Variants in BRWD1 observed in about 807,000 individuals in gnomAD.
The protein encoded by BRWD1 is bromodomain and WD repeat-containing protein 1.
A neutral mutation model predicts 251.2 loss-of-function variants in BRWD1; 82 were observed. The observed-to-expected ratio is 0.33, with a 90% CI of 0.27 to 0.39. The LOEUF is 0.39. Among genes scored for constraint, BRWD1 ranks in the 10% least tolerant of loss-of-function variants. BRWD1 has a pLI of 1.00. For synonymous variants in BRWD1, 918 were observed against 902.8 expected (o/e 1.02, Z -0.30); for missense variants, 2,233 against 2,711.6 (o/e 0.82, Z 3.92).
Position 39,280,234 on chromosome 21 carries a change from G to A in BRWD1, c.846C>T (p.Ala282=). The A allele has an allele frequency of 6.2e-7, 1 of 1,605,054 alleles. No individual in the cohort carries two copies. Among genetic ancestry groups the A allele is most frequent in the Non-Finnish European group, 8.5e-7 (1 of 1,177,206 alleles). ...SITSLQFSPM[A]KGSQRYMVST... Reference sequence around the variant, plus strand: ...AAACCATGTATCTTTGAGAGCCTTTGGCCATCGGGCTAAACTAAAAAGTAA... The same window carrying A: ...AAACCATGTATCTTTGAGAGCCTTTAGCCATCGGGCTAAACTAAAAAGTAA... Residue 282 remains alanine (A), a synonymous_variant, in exon 9 of 41, where the codon GCC becomes GCT. Transcript: ENST00000342449.
At chr21:39,289,756 G>A (rs778208810) in intron 8 of BRWD1, among the ~76,000 whole-genome samples, 1 of 151,794 alleles carries the variant, frequency 6.6e-6, no homozygotes, top group Non-Finnish European at 1.5e-5. Context: ...CGGGCACGGT[G>A]GCTCACGCCT....
At chr21:39,290,039 A>AG (rs1032484320) in intron 8 of BRWD1, among the ~76,000 whole-genome samples, 4 of 151,580 alleles carry the variant, frequency 2.6e-5, no homozygotes, top group South Asian at 2.1e-4. Context: ...AAAAAAAAAA[A>AG]GAAGCTAGCA....
At chr21:39,297,000 A>C (rs2035979043) in intron 5 of BRWD1, 4 of 985,394 alleles carry the variant, frequency 4.1e-6, no homozygotes, top group Non-Finnish European at 4.8e-6. Flanking sequence ...TAAATTATAT[A>C]GCTTTCCCTT....
In BRWD1 at chr21:39,195,058, G is replaced by A. The variant is rs1332752926; in HGVS notation, c.*1201C>T. 4 of 1,285,474 alleles carry A rather than the reference G, an allele frequency of 3.1e-6. No individual in the cohort carries two copies. The highest frequency in any genetic ancestry group is 3.9e-6 in the Non-Finnish European group (4 of 1,015,706). 79.6% of individuals were successfully genotyped at this position (1,285,474 alleles called of 1,614,324 possible). A position where few individuals can be genotyped will look rare whatever the true frequency, so the allele number is the denominator to read the frequency against. On this transcript the variant is annotated 3_prime_UTR_variant, in exon 41 of 41. Transcript: ENST00000342449. Reference sequence around the variant, plus strand: ...GTTAGAAAATAAGTGTACTATTTGTGTGATAAACTTTCACTTTAAATGGAT... The same window carrying A: ...GTTAGAAAATAAGTGTACTATTTGTATGATAAACTTTCACTTTAAATGGAT...
At chr21:39,222,171 C>A (rs2033204606) in intron 29 of BRWD1, among the ~76,000 whole-genome samples, 1 of 152,210 alleles carries the variant, frequency 6.6e-6, no homozygotes, top group South Asian at 2.1e-4. Context: ...AACAGAGTTA[C>A]CACGTAACCC....
At chr21:39,203,656 C>T (rs1568862215) in intron 37 of BRWD1, among the ~76,000 whole-genome samples, 1 of 150,790 alleles carries the variant, frequency 6.6e-6, no homozygotes, top group Non-Finnish European at 1.5e-5. Flanking sequence ...ATCCACCCAC[C>T]TCGGCCTCCC....
intron 4 of BRWD1, among the ~76,000 whole-genome samples, chr21:39,305,523 T>C (rs1432218833): frequency 6.6e-6 from 1 of 151,986 alleles, no homozygotes; most frequent in East Asian, 1.9e-4. Flanking sequence ...GGTCAGGAGT[T>C]TGAGACACCA....
rs370576402 is a variant in BRWD1, at chr21:39,200,243, T to A, written c.4729A>T (p.Thr1577Ser). The change falls in exon 39 of 41, where the codon ACT becomes TCT. Residue 1577 changes from threonine to serine, a missense_variant. Physicochemically the swap from Thr to Ser is moderately conservative, Grantham distance 58. This residue lies in a region of BRWD1 where 928 missense variants were observed against 970.0 expected (regional missense o/e 0.96). Transcript: ENST00000342449. ...CCAGTTTTTCTTTGAGCAGCTCTAG[T>A]TCTGGTTACCCTGAGATTGCTGCTT... Reference protein sequence around the residue: ...SRSSNLRVTRTRAAQRKTGPV... With the variant: ...SRSSNLRVTRSRAAQRKTGPV... The A allele has an allele frequency of 2.5e-5, 40 of 1,613,344 alleles. No individual in the cohort carries two copies. The highest frequency in any genetic ancestry group is 3.2e-5 in the Non-Finnish European group (38 of 1,179,824).
At chr21:39,223,256 A>T (rs1046716033) in intron 29 of BRWD1, among the ~76,000 whole-genome samples, 1 of 152,004 alleles carries the variant, frequency 6.6e-6, no homozygotes, top group Non-Finnish European at 1.5e-5. Context: ...TCCTTGTACT[A>T]TTTTTTTTAA....
At chr21:39,310,441 C>T (rs2036442615) in intron 4 of BRWD1, among the ~76,000 whole-genome samples, 2 of 152,100 alleles carry the variant, frequency 1.3e-5, no homozygotes, top group African/African-American at 4.8e-5. Flanking sequence ...GAGTTCGAGA[C>T]CAGCCTGGCC....
intron 37 of BRWD1, among the ~76,000 whole-genome samples, chr21:39,203,342 C>T (rs1026782382): frequency 7.9e-5 from 12 of 151,426 alleles, no homozygotes; most frequent in African/African-American, 2.7e-4. Flanking sequence ...ATCGCAGCTA[C>T]TCAGGAGACT....
At chr21:39,213,411 AC>A in intron 33 of BRWD1, 69 bp downstream of exon 33, 1 of 403,664 alleles carries the variant, frequency 2.5e-6, no homozygotes, top group Non-Finnish European at 3.3e-6. Context: ...TACAAAGCCA[AC>A]ATTTTCTTCA....
intron 20 of BRWD1, among the ~76,000 whole-genome samples, chr21:39,248,404 G>A (rs900203288): frequency 6.6e-6 from 1 of 151,874 alleles, no homozygotes; most frequent in Non-Finnish European, 1.5e-5. Flanking sequence ...TTGAGCCCAG[G>A]AGTTCGAGAC....
Position 39,196,920 on chromosome 21 carries a change from G to A in BRWD1, c.6149C>T (p.Thr2050Ile), listed in dbSNP as rs372613664. The A allele has an allele frequency of 1.5e-5, 24 of 1,613,776 alleles. No individual in the cohort carries two copies. The highest frequency in any genetic ancestry group is 2.0e-5 in the Non-Finnish European group (24 of 1,179,934). The part of the protein sequence containing the change: ...APSKRKSSSV[T>I]SSGEDSKSHI... The stretch of plus-strand genomic sequence containing the variant: ...ACTTTTTGAATCTTCTCCTGAAGAT[G>A]TAACAGAGGAACTTTTTCTTTTAGA... Residue 2050 changes from threonine (T) to isoleucine (I), a missense_variant, in exon 41 of 41, where the codon ACA becomes ATA. Around this residue, in one of 12 missense-constraint regions of BRWD1, gnomAD observed 928 missense variants for 970.0 expected, o/e 0.96. Transcript: ENST00000342449.
intron 14 of BRWD1, 30 bp downstream of exon 14, chr21:39,270,253 A>T (rs749923746): frequency 6.6e-7 from 1 of 1,506,586 alleles, no homozygotes; most frequent in Admixed American, 2.3e-5. Context: ...AAAAAATCTC[A>T]TTTGTTACAC....
chr21:39,236,862 G>A (rs1286646078), intron 22 of BRWD1, 78 bp from the exon 23 acceptor site: 3 of 1,302,026 alleles, frequency 2.3e-6, no homozygotes, highest in South Asian at 2.8e-5. Context: ...TAAAATTGAG[G>A]GAACAGAGAG....
chr21:39,297,913 A>G (rs1365205360), intron 5 of BRWD1: 6 of 984,758 alleles, frequency 6.1e-6, no homozygotes, highest in Non-Finnish European at 7.2e-6. Flanking sequence ...GCAATTTCAA[A>G]CATTTTGCTA....
chr21:39,308,334 T>C (rs1365190267), intron 4 of BRWD1, among the ~76,000 whole-genome samples: 2 of 151,844 alleles, frequency 1.3e-5, no homozygotes, highest in Non-Finnish European at 2.9e-5. Context: ...ACACAAAAAG[T>C]AGCCAGGCAT....
chr21:39,260,288 C>T (rs549839878), intron 17 of BRWD1, among the ~76,000 whole-genome samples: 1 of 151,380 alleles, frequency 6.6e-6, no homozygotes, highest in South Asian at 2.1e-4. Context: ...TAACCTAAGG[C>T]TATATAACTT....
Sources: gnomAD v4.1 joint callset for allele counts (sites outside exome capture counted in the v4.1 genomes callset) on GRCh38, gnomAD v4.1.1 for gene constraint, gnomAD v4.1.1 regional missense constraint, MANE v1.5 for transcripts, NCBI Gene and HGNC (gene_info 2026-07-23, HGNC 2026-07-21) for gene names.